PPP1R16B: variants seen among roughly 807,000 people sequenced by gnomAD.
PPP1R16B encodes the protein protein phosphatase 1 regulatory inhibitor subunit 16B.
Under a neutral mutation model 61.7 loss-of-function variants are expected in PPP1R16B, and 14 were observed. The observed-to-expected ratio is 0.23, with a 90% CI of 0.15 to 0.35. PPP1R16B has a LOEUF of 0.35. PPP1R16B is among the 10% of genes least tolerant of loss of function. PPP1R16B has a pLI of 1.00. For synonymous variants in PPP1R16B, 266 were observed against 305.3 expected, an observed-to-expected ratio of 0.87 and a Z score of 1.34; for missense variants, 547 against 752.5, an observed-to-expected ratio of 0.73 and a Z score of 3.19.
chr20:38,815,598 C>A (rs887980051), intron 1 of PPP1R16B, among the ~76,000 whole-genome samples: 1 of 152,228 alleles, frequency 6.6e-6, no homozygotes, highest in African/African-American at 2.4e-5. Context: ...GAGGCTGAAC[C>A]AATTTCTGTT....
intron 1 of PPP1R16B, among the ~76,000 whole-genome samples, chr20:38,831,346 C>T (rs906006265): frequency 4.6e-5 from 7 of 152,224 alleles, no homozygotes; most frequent in Admixed American, 3.3e-4. Flanking sequence ...ACCTGGCTGC[C>T]GTGGGCTGCC....
chr20:38,809,162 A>G (rs1262898263), intron 1 of PPP1R16B, among the ~76,000 whole-genome samples: 1 of 147,488 alleles, frequency 6.8e-6, no homozygotes, highest in East Asian at 2.1e-4. Context: ...CACCTCCTCC[A>G]GTGCTAGGGT....
intron 1 of PPP1R16B, among the ~76,000 whole-genome samples, chr20:38,821,188 G>C (rs562050300): frequency 2.6e-5 from 4 of 152,186 alleles, no homozygotes; most frequent in Non-Finnish European, 4.4e-5. Flanking sequence ...AAGCAGAGTA[G>C]AACTGGGGAA....
intron 2 of PPP1R16B, among the ~76,000 whole-genome samples, chr20:38,884,104 G>A (rs1466295423): frequency 6.6e-6 from 1 of 152,174 alleles, no homozygotes; most frequent in Admixed American, 6.5e-5. Flanking sequence ...TCGTCTTTGT[G>A]CTCCCTGAGC....
At chr20:38,812,799 A>C (rs928161663) in intron 1 of PPP1R16B, among the ~76,000 whole-genome samples, 4 of 152,198 alleles carry the variant, frequency 2.6e-5, no homozygotes, top group Non-Finnish European at 4.4e-5. Flanking sequence ...GACTGGCCCC[A>C]AAGGGTGTTT....
At position 38,922,875 on chromosome 20, in the gene PPP1R16B, G is replaced by A. The variant is rs754093917; in HGVS notation, c.*4209G>A. 21 of 152,480 alleles carry A rather than the reference G, an allele frequency of 1.4e-4. No individual in the cohort carries two copies. Among genetic ancestry groups the A allele is most frequent in the African/African-American group, 3.8e-4 (16 of 41,574 alleles). The allele number at this position is 152,480 out of a possible 1,614,324, so 9.4% of individuals were successfully genotyped here. A position where few individuals can be genotyped will look rare whatever the true frequency, so the allele number is the denominator to read the frequency against. Reference sequence around the variant, plus strand: ...ACTTCCACGTAGCCCCTTGCCACGCGGCACCGGTGGGCCTTGGGTCCAAAA... The same window carrying A: ...ACTTCCACGTAGCCCCTTGCCACGCAGCACCGGTGGGCCTTGGGTCCAAAA... On this transcript the variant is annotated 3_prime_UTR_variant, in exon 11 of 11. Transcript: ENST00000299824.
At chr20:38,868,233 A>G (rs1478847303) in intron 2 of PPP1R16B, among the ~76,000 whole-genome samples, 1 of 152,170 alleles carries the variant, frequency 6.6e-6, no homozygotes, top group Non-Finnish European at 1.5e-5. Flanking sequence ...CTGCATGCCC[A>G]CACCACTCCT....
Position 38,918,007 on chromosome 20 carries a change from G to A in PPP1R16B, c.1195-150G>A. The A allele has an allele frequency of 2.7e-6, 3 of 1,096,346 alleles. No homozygotes were observed. Among genetic ancestry groups the A allele is most frequent in the African/African-American group, 1.6e-5 (1 of 63,678 alleles). 67.9% of individuals were successfully genotyped at this position (1,096,346 alleles called of 1,614,324 possible). A position where few individuals can be genotyped will look rare whatever the true frequency, so the allele number is the denominator to read the frequency against. On this transcript the variant is annotated intron_variant, in intron 10 of 10. Coordinates refer to ENST00000299824, the MANE Select transcript of PPP1R16B (RefSeq NM_015568.4). The surrounding 1 kb of genome is among the most constrained non-coding windows in gnomAD (Gnocchi z 5.3). ...CTGTACGGAAATTCATAGATTGGGGGTTCCCCAAAGGAAAACCCTGGCCCC... is the reference window on the plus strand; with the variant it reads ...CTGTACGGAAATTCATAGATTGGGGATTCCCCAAAGGAAAACCCTGGCCCC...
In PPP1R16B at chr20:38,907,744, G is replaced by A. The variant is rs2085455565; in HGVS notation, c.899-62G>A. The A allele has an allele frequency of 6.3e-7, 1 of 1,586,316 alleles. No homozygotes were observed. The highest frequency in any genetic ancestry group is 1.7e-5 in the Admixed American group (1 of 59,418). ...GGGGTGGCAGCTCCTCTGGTCTGGAGCACCCTCTTGCGCCACAGGTCCTGG... is the reference window on the plus strand; with the variant it reads ...GGGGTGGCAGCTCCTCTGGTCTGGAACACCCTCTTGCGCCACAGGTCCTGG... On this transcript the variant is annotated intron_variant, in intron 8 of 10. Transcript: ENST00000299824. This position sits in a 1 kb window ranked among gnomAD's most constrained non-coding sequence, Gnocchi z 4.5.
chr20:38,818,308 G>A (rs1291149843), intron 1 of PPP1R16B, among the ~76,000 whole-genome samples: 1 of 152,186 alleles, frequency 6.6e-6, no homozygotes, highest in African/African-American at 2.4e-5. Context: ...CTCAGCAAAT[G>A]GTGAGTACCA....
intron 1 of PPP1R16B, among the ~76,000 whole-genome samples, chr20:38,807,565 G>C (rs1215165824): frequency 1.3e-5 from 2 of 152,098 alleles, no homozygotes; most frequent in African/African-American, 4.8e-5. Context: ...GCCGGTGGGG[G>C]CCAGCAAATC....
In PPP1R16B at chr20:38,895,574, G is replaced by T; in HGVS notation, c.331G>T (p.Asp111Tyr). Residue 111 changes from aspartate to tyrosine, a missense_variant, in exon 4 of 11, where the codon GAC becomes TAC. Coordinates refer to ENST00000299824, the MANE Select transcript of PPP1R16B (RefSeq NM_015568.4). ...TGTGTGTCTCTCCCAGTGCTGCATC[G>T]ACAACTTTGAGGAAATTGTGAAGCT... ...GLTALHQCCI[D>Y]NFEEIVKLLL... 6.2e-7 allele frequency: 1 copy of T among 1,613,792 alleles called. No homozygotes were observed. Among genetic ancestry groups the T allele is most frequent in the South Asian group, 1.1e-5 (1 of 91,044 alleles).
intron 2 of PPP1R16B, among the ~76,000 whole-genome samples, chr20:38,855,929 TATATATATATATATAGAGAG>T (rs1476564730): frequency 3.7e-5 from 2 of 54,664 alleles, no homozygotes; most frequent in Non-Finnish European, 6.3e-5. Context: ...TATATATATA[TATATATATATATATAGAGAG>T]AGAGAGAGAG....
In PPP1R16B at chr20:38,919,316, A is replaced by G. The variant is rs1353337625; in HGVS notation, c.*650A>G. The G allele has an allele frequency of 6.6e-6, 1 of 152,456 alleles. No individual in the cohort carries two copies. Among genetic ancestry groups the G allele is most frequent in the Non-Finnish European group, 1.5e-5 (1 of 68,056 alleles). 9.4% of individuals were successfully genotyped at this position (152,456 alleles called of 1,614,324 possible). On this transcript the variant is annotated 3_prime_UTR_variant, in exon 11 of 11. Transcript: ENST00000299824. ...ATCTACATGGGTAGATGAGATAGAC[A>G]CAGACCTGCTCCCCGCAGCCTTGTT...
At chr20:38,900,115 C>G (rs1314782625) in intron 4 of PPP1R16B, among the ~76,000 whole-genome samples, 1 of 152,096 alleles carries the variant, frequency 6.6e-6, no homozygotes, top group Non-Finnish European at 1.5e-5. Flanking sequence ...TTTGTTTCCC[C>G]TTGCGTGAGA....
chr20:38,869,507 C>G (rs540789853), intron 2 of PPP1R16B, among the ~76,000 whole-genome samples: 1 of 152,150 alleles, frequency 6.6e-6, no homozygotes, highest in Admixed American at 6.5e-5. Context: ...ACAGTAGCTA[C>G]GCACCATTTT....
At chr20:38,916,719 A>C (rs968760601) in intron 10 of PPP1R16B, among the ~76,000 whole-genome samples, 1 of 152,110 alleles carries the variant, frequency 6.6e-6, no homozygotes, top group African/African-American at 2.4e-5. Context: ...AAAAAGAAAA[A>C]AATTTCAGTG....
chr20:38,828,817 C>A (rs887816709), intron 1 of PPP1R16B, among the ~76,000 whole-genome samples: 7 of 152,212 alleles, frequency 4.6e-5, no homozygotes, highest in Admixed American at 3.3e-4. Flanking sequence ...AGATCACCAC[C>A]AAACCAGTGC....
chr20:38,833,376 A>T (rs1453383003), intron 1 of PPP1R16B, among the ~76,000 whole-genome samples: 1 of 152,226 alleles, frequency 6.6e-6, no homozygotes, highest in African/African-American at 2.4e-5. Flanking sequence ...ACATTGATAC[A>T]ATTGCATAAA....
Sources: gnomAD v4.1 joint callset for allele counts (sites outside exome capture counted in the v4.1 genomes callset) on GRCh38, gnomAD v4.1.1 for gene constraint, Gnocchi (gnomAD v3.1) non-coding constraint, MANE v1.5 for transcripts, NCBI Gene and HGNC (gene_info 2026-07-23, HGNC 2026-07-21) for gene names.